Variants in MYO7A observed in about 807,000 individuals in gnomAD.
MYO7A encodes the protein myosin VIIA, also known as unconventional myosin-VIIa.
A neutral mutation model predicts 263.8 loss-of-function variants in MYO7A; 210 were observed. The ratio of observed to expected loss-of-function variants is 0.80; its 90% CI spans 0.71 to 0.89. MYO7A has a LOEUF of 0.89. Ranked by LOEUF, MYO7A falls within the 40% of genes least tolerant of loss-of-function variation. MYO7A has a pLI of 0.00. For synonymous variants in MYO7A, 1,239 were observed against 1,197.3 expected (o/e 1.03, Z -0.72); for missense variants, 2,820 against 2,968.3 (o/e 0.95, Z 1.16).
rs1355478263 is a variant in MYO7A at position 77,138,239 on chromosome 11, G to T, written c.19-4470G>T. On this transcript the variant is annotated intron_variant, in intron 2 of 48. Transcript: ENST00000409709. This position sits in a 1 kb window ranked among gnomAD's most constrained non-coding sequence, Gnocchi z 4.9. ...GCAGATGGCCCGGTTTAGGGTTCCGGGGCGGGCGGCGCGCACGGGATTAGG... is the reference window on the plus strand; with the variant it reads ...GCAGATGGCCCGGTTTAGGGTTCCGTGGCGGGCGGCGCGCACGGGATTAGG... 6.6e-6 allele frequency among the ~76,000 whole-genome samples: 1 copy of T among 152,062 alleles called. No homozygotes were observed. Among genetic ancestry groups the T allele is most frequent in the African/African-American group, 2.4e-5 (1 of 41,394 alleles).
intron 4 of MYO7A, among the ~76,000 whole-genome samples, chr11:77,155,642 A>T (rs1952387748): frequency 6.6e-6 from 1 of 152,212 alleles, no homozygotes; most frequent in Non-Finnish European, 1.5e-5. Flanking sequence ...TTACAGATGA[A>T]GAGAAGGAAA....
rs1952799720 is a variant in MYO7A, at chr11:77,159,543, C to A, written c.1080+20C>A. 2 of 1,610,060 alleles carry A rather than the reference C, an allele frequency of 1.2e-6. No individual in the cohort carries two copies. Among genetic ancestry groups the A allele is most frequent in the Non-Finnish European group, 1.7e-6 (2 of 1,177,444 alleles). On this transcript the variant is annotated intron_variant, in intron 10 of 48. Transcript: ENST00000409709. ...CTTGAGGTCAGTGCCTGGCCTCTCTCCCCTCCATGACTTCTGTCCCTCTGA... is the reference window on the plus strand; with the variant it reads ...CTTGAGGTCAGTGCCTGGCCTCTCTACCCTCCATGACTTCTGTCCCTCTGA...
At chr11:77,157,480 A>C in intron 8 of MYO7A, 88 bp downstream of exon 8, 6 of 879,010 alleles carry the variant, frequency 6.8e-6, no homozygotes, top group Non-Finnish European at 1.1e-5. Context: ...TTGAGGTCTC[A>C]CTGGTCACAG....
rs1555079009 is a variant in MYO7A at position 77,174,832 on chromosome 11, G to T, written c.2012G>T (p.Gly671Val). ...GAGACCATCCGAATCCGCCGAGCTG[G>T]CTACCCCATCCGCTACAGCTTCGTA... is the stretch of plus-strand genomic sequence containing the variant. ...MMETIRIRRA[G>V]YPIRYSFVEF... The change falls in exon 17 of 49, where the codon GGC (glycine) becomes GTC (valine). Residue 671 changes from glycine (G) to valine (V), a missense_variant. Coordinates refer to ENST00000409709, the MANE Select transcript of MYO7A (RefSeq NM_000260.4). 1.9e-6 allele frequency: 3 copies of T among 1,613,542 alleles called. No homozygotes were observed. In the South Asian group the frequency reaches 3.3e-5, roughly 18 times the overall value.
At chr11:77,181,264 A>G (rs1555083914) in intron 22 of MYO7A, 116 bp from the exon 23 acceptor site, 7 of 884,432 alleles carry the variant, frequency 7.9e-6, no homozygotes, top group Non-Finnish European at 1.2e-5. Flanking sequence ...CCCAGCGGTC[A>G]GGAGGTGGGG....
chr11:77,186,881 T>G (rs146277557), intron 27 of MYO7A, among the ~76,000 whole-genome samples: 42 of 152,336 alleles, frequency 2.8e-4, no homozygotes, highest in African/African-American at 8.7e-4. Context: ...TCAACATGCT[T>G]TCCTCTCTAA....
intron 27 of MYO7A, 123 bp downstream of exon 27, chr11:77,184,838 T>A: frequency 6.8e-7 from 1 of 1,481,292 alleles, no homozygotes; most frequent in Non-Finnish European, 9.2e-7. Context: ...GCTAGCTAGT[T>A]GGTGGAGTTA....
chr11:77,172,612 A>G, intron 15 of MYO7A, 136 bp from the exon 16 acceptor site: 1 of 1,156,604 alleles, frequency 8.6e-7, no homozygotes, highest in Non-Finnish European at 1.2e-6. Context: ...GGCAGTTTGC[A>G]GGAAAACTTC....
At chr11:77,213,091 A>G in intron 47 of MYO7A, 56 bp downstream of exon 47, 1 of 1,391,034 alleles carries the variant, frequency 7.2e-7, no homozygotes, top group South Asian at 1.2e-5. Flanking sequence ...AACCACAGAC[A>G]CGGTCCCAGA....
chr11:77,192,360 G>C (rs1255618989), intron 31 of MYO7A, 82 bp downstream of exon 31: 5 of 1,408,114 alleles, frequency 3.6e-6, no homozygotes, highest in Non-Finnish European at 5.0e-6. Context: ...GCTCCTCTGT[G>C]AGCCATCATT....
chr11:77,193,253 A>ATGGTGGTGG (rs139695638), intron 31 of MYO7A, among the ~76,000 whole-genome samples: 1 of 131,762 alleles, frequency 7.6e-6, no homozygotes, highest in Non-Finnish European at 1.6e-5. Flanking sequence ...GATGTTAGTG[A>ATGGTGGTGG]TGGTGGTGGT....
intron 3 of MYO7A, among the ~76,000 whole-genome samples, chr11:77,143,619 C>G (rs1380395286): frequency 6.6e-6 from 1 of 152,158 alleles, no homozygotes; most frequent in Non-Finnish European, 1.5e-5. Context: ...GTGTGTGTCA[C>G]TGGGGGTATG....
chr11:77,179,527 G>A (rs1294955239), intron 20 of MYO7A, among the ~76,000 whole-genome samples: 3 of 152,224 alleles, frequency 2.0e-5, no homozygotes, highest in African/African-American at 7.2e-5. Context: ...CCCCAACTCA[G>A]GGAGAGTCAA....
At chr11:77,161,664 C>T (rs1214746997) in intron 12 of MYO7A, among the ~76,000 whole-genome samples, 5 of 152,196 alleles carry the variant, frequency 3.3e-5, no homozygotes, top group East Asian at 1.9e-4. Context: ...GGGCTGTGTC[C>T]GTGGCTCGGC....
chr11:77,193,854 C>G (rs1213192953), intron 31 of MYO7A, among the ~76,000 whole-genome samples: 1 of 152,108 alleles, frequency 6.6e-6, no homozygotes, highest in Non-Finnish European at 1.5e-5. Context: ...TAGATCCTGC[C>G]AGCTGTTAAC....
At chr11:77,210,526 A>T (rs1957794192) in intron 44 of MYO7A, among the ~76,000 whole-genome samples, 2 of 152,148 alleles carry the variant, frequency 1.3e-5, no homozygotes. Context: ...CAGATCTCTG[A>T]CTGACAATGT....
rs371146074 is a variant in MYO7A at position 77,162,997 on chromosome 11, G to A, written c.1690+9G>A. ...CTACTATGAGACCCAAGGTACAGAG[G>A]GCTGCCGGCTGTCTGTCACTCCCTG... is the stretch of plus-strand genomic sequence containing the variant. On this transcript the variant is annotated intron_variant, in intron 14 of 48. Transcript: ENST00000409709. 5.0e-6 allele frequency: 8 copies of A among 1,613,340 alleles called. No homozygotes were observed. The South Asian group carries it at 7.7e-5, about 16-fold the overall frequency.
intron 27 of MYO7A, 122 bp from the exon 28 acceptor site, chr11:77,189,222 G>C: frequency 7.1e-7 from 1 of 1,404,152 alleles, no homozygotes. Context: ...GCCTCCTCCC[G>C]GGTGGTCTTG....
intron 2 of MYO7A, among the ~76,000 whole-genome samples, chr11:77,140,797 C>T (rs1321581189): frequency 6.6e-6 from 1 of 152,326 alleles, no homozygotes; most frequent in African/African-American, 2.4e-5. Flanking sequence ...AAACAGTTCT[C>T]TTCCACGCCC....
Sources: allele counts gnomAD v4.1 joint callset (sites outside exome capture counted in the v4.1 genomes callset), GRCh38; gene constraint gnomAD v4.1.1; non-coding constraint Gnocchi (gnomAD v3.1); transcripts MANE v1.5; gene names NCBI Gene and HGNC (gene_info 2026-07-23, HGNC 2026-07-21).